The following PDIA3 variants were observed in gnomAD, a reference collection of about 807,000 sequenced individuals.
The protein encoded by PDIA3 is protein disulfide-isomerase A3.
A neutral mutation model predicts 56.9 loss-of-function variants in PDIA3; 16 were observed. The ratio of observed to expected loss-of-function variants is 0.28; its 90% CI spans 0.19 to 0.43. The LOEUF is 0.43. PDIA3 is among the 20% of genes least tolerant of loss of function. The probability of loss-of-function intolerance (pLI) is 1.00; values close to 1 mark genes in which losing one functional copy is unlikely to be tolerated. For missense variants in PDIA3, 485 were observed against 621.3 expected, an observed-to-expected ratio of 0.78 and a Z score of 2.33; for synonymous variants, 192 against 216.5, an observed-to-expected ratio of 0.89 and a Z score of 0.99.
intron 4 of PDIA3, among the ~76,000 whole-genome samples, chr15:43,762,446 G>A (rs2086822478): frequency 6.6e-6 from 1 of 151,810 alleles, no homozygotes; most frequent in Admixed American, 6.6e-5. Context: ...GGGAGGCGGA[G>A]GTTGGGGTGA....
Position 43,769,660 on chromosome 15 carries a change from C to G in PDIA3, c.1266+14C>G. 6.2e-7 allele frequency: 1 copy of G among 1,612,480 alleles called. No homozygotes were observed. ...CTTGGCGAGAAGGTAAGTGTGAACC[C>G]TATTCTGAGGATAACATTTGAGCGG... On this transcript the variant is annotated intron_variant, in intron 10 of 12. Transcript: ENST00000300289.
intron 3 of PDIA3, among the ~76,000 whole-genome samples, chr15:43,759,958 A>G (rs2086803710): frequency 6.6e-6 from 1 of 152,018 alleles, no homozygotes; most frequent in Non-Finnish European, 1.5e-5. Context: ...GCGTGGTGGC[A>G]GGAGCCTGTA....
chr15:43,746,878 G>T (rs1356304629), intron 1 of PDIA3, 172 bp downstream of exon 1: 7 of 722,678 alleles, frequency 9.7e-6, no homozygotes, highest in South Asian at 9.0e-5. Context: ...GAGAGCGGGG[G>T]AGTCGGTGCT....
intron 9 of PDIA3, among the ~76,000 whole-genome samples, chr15:43,768,813 A>G (rs534322930): frequency 1.8e-4 from 27 of 152,120 alleles, no homozygotes; most frequent in African/African-American, 6.3e-4. Flanking sequence ...CACAAGGTCA[A>G]GAGTTTGAGA....
chr15:43,753,353 C>A (rs1226148558), intron 1 of PDIA3, among the ~76,000 whole-genome samples: 4 of 152,206 alleles, frequency 2.6e-5, no homozygotes, highest in Non-Finnish European at 1.5e-5. Context: ...GCTGGGATTA[C>A]AGGTGTGAGC....
intron 1 of PDIA3, among the ~76,000 whole-genome samples, chr15:43,749,072 G>GT (rs1359059243): frequency 6.6e-6 from 1 of 150,800 alleles, no homozygotes; most frequent in East Asian, 2.0e-4. Context: ...CACCCAGCCT[G>GT]TTTTTTTGTT....
At chr15:43,756,972 G>A (rs186725829) in intron 3 of PDIA3, among the ~76,000 whole-genome samples, 26 of 152,196 alleles carry the variant, frequency 1.7e-4, no homozygotes, top group African/African-American at 6.3e-4. Flanking sequence ...GATTTATAAG[G>A]TCAGCTCGAC....
rs377030034 is a variant in PDIA3, at chr15:43,771,138, C to G, written c.1438C>G (p.Leu480Val). 1.9e-5 allele frequency: 30 copies of G among 1,612,996 alleles called. No homozygotes were observed. Among genetic ancestry groups the G allele is most frequent in the Middle Eastern group, 1.8e-4 (1 of 5,700 alleles). Residue 480 changes from leucine to valine, a missense_variant, in exon 13 of 13, where the codon CTA (leucine) becomes GTA (valine). Coordinates refer to ENST00000300289, the MANE Select transcript of PDIA3 (RefSeq NM_005313.5). ...TGAATTAAGTGATTTTATTAGCTAT[C>G]TACAAAGAGAAGCTACAAACCCCCC... ...GRELSDFISY[L>V]QREATNPPVI...
chr15:43,763,776 T>C (rs1022242312), intron 5 of PDIA3, among the ~76,000 whole-genome samples: 4 of 151,506 alleles, frequency 2.6e-5, no homozygotes, highest in Admixed American at 2.0e-4. Flanking sequence ...TTTCTTCTTA[T>C]GGGGTAGGGG....
chr15:43,756,856 T>C (rs1413299748), intron 3 of PDIA3, 90 bp downstream of exon 3: 2 of 715,890 alleles, frequency 2.8e-6, no homozygotes, highest in South Asian at 4.0e-5. Context: ...CTACACAGTA[T>C]ACTTTCAGTC....
chr15:43,754,648 G>A (rs1346954397), intron 2 of PDIA3, among the ~76,000 whole-genome samples: 1 of 151,368 alleles, frequency 6.6e-6, no homozygotes. Context: ...GCTTGAGGCT[G>A]CAGTGACTAG....
chr15:43,756,929 A>T (rs2086781969), intron 3 of PDIA3, among the ~76,000 whole-genome samples, 163 bp downstream of exon 3: 1 of 152,238 alleles, frequency 6.6e-6, no homozygotes, highest in South Asian at 2.1e-4. Context: ...AAATGAACAG[A>T]TTATATAAGT....
intron 1 of PDIA3, among the ~76,000 whole-genome samples, chr15:43,749,756 A>G (rs2086731484): frequency 6.6e-6 from 1 of 152,174 alleles, no homozygotes; most frequent in African/African-American, 2.4e-5. Context: ...CCTGGGCAGC[A>G]TGGCCAGACC....
intron 4 of PDIA3, among the ~76,000 whole-genome samples, chr15:43,762,510 G>GTA (rs1206905751): frequency 8.1e-6 from 1 of 122,832 alleles, no homozygotes; most frequent in South Asian, 2.5e-4. Flanking sequence ...AAACTCTGTC[G>GTA]CAAAAAAAAA....
intron 7 of PDIA3, among the ~76,000 whole-genome samples, chr15:43,766,387 G>A (rs1356800777): frequency 2.6e-5 from 4 of 152,144 alleles, no homozygotes; most frequent in Non-Finnish European, 5.9e-5. Flanking sequence ...AAAACATTGT[G>A]CTTACTTGCA....
At chr15:43,763,291 C>T (rs1158009938) in intron 5 of PDIA3, 85 bp downstream of exon 5, 4 of 1,476,394 alleles carry the variant, frequency 2.7e-6, no homozygotes, top group African/African-American at 1.4e-5. Flanking sequence ...TTCACTCTGT[C>T]ACCCAGGCTG....
At chr15:43,749,008 T>G (rs1452471691) in intron 1 of PDIA3, among the ~76,000 whole-genome samples, 1 of 152,126 alleles carries the variant, frequency 6.6e-6, no homozygotes, top group African/African-American at 2.4e-5. Flanking sequence ...TGACTTCAGG[T>G]GATCTGCCCA....
At chr15:43,768,647 T>G (rs1318374711) in intron 9 of PDIA3, 50 bp downstream of exon 9, 1 of 1,238,908 alleles carries the variant, frequency 8.1e-7, no homozygotes, top group African/African-American at 1.5e-5. Context: ...CTGTCCTCAT[T>G]TCTTTGTTCC....
chr15:43,754,030 T>C, intron 2 of PDIA3, 128 bp downstream of exon 2: 1 of 685,106 alleles, frequency 1.5e-6, no homozygotes, highest in Non-Finnish European at 2.6e-6. Flanking sequence ...TCATTTTCTC[T>C]ACTCTTATTC....
Sources: gnomAD v4.1 joint callset for allele counts (sites outside exome capture counted in the v4.1 genomes callset) on GRCh38, gnomAD v4.1.1 for gene constraint, MANE v1.5 for transcripts, NCBI Gene and HGNC (gene_info 2026-07-23, HGNC 2026-07-21) for gene names.